The following H2BC18 variants were observed in gnomAD, a reference collection of about 807,000 sequenced individuals.
The protein encoded by H2BC18 is H2B clustered histone 18, also known as histone H2B type 2-F.
H2BC18 carries 8 observed loss-of-function variants against 6.3 expected under a neutral mutation model. The ratio of observed to expected loss-of-function variants is 1.28; its 90% CI spans 0.75 to 2.31. The LOEUF (loss-of-function observed/expected upper bound fraction) is 2.31, where lower values mean the gene tolerates loss of function less well. Among genes scored for constraint, H2BC18 ranks in the 30% most tolerant of loss-of-function variants. The probability of loss-of-function intolerance (pLI) is 0.00; values close to 1 mark genes in which losing one functional copy is unlikely to be tolerated. For synonymous variants in H2BC18, 104 were observed against 78.1 expected (o/e 1.33, Z -1.75); for missense variants, 106 against 174.5 (o/e 0.61, Z 2.21).
chr1:149,800,725 C>A (rs1185281001), intron 1 of H2BC18, among the ~76,000 whole-genome samples: 2 of 146,594 alleles, frequency 1.4e-5, no homozygotes, highest in South Asian at 2.3e-4. Context: ...TGTGGGAGCG[C>A]CCAGTTACTT....
intron 1 of H2BC18, chr1:149,791,219 T>C (rs1226393543): frequency 8.8e-6 from 14 of 1,585,362 alleles, no homozygotes; most frequent in African/African-American, 1.3e-5. Context: ...CTCTTCTCTT[T>C]GTCTTTTTCT....
chr1:149,804,592 G>A (rs1403464461), intron 1 of H2BC18, among the ~76,000 whole-genome samples: 14 of 151,766 alleles, frequency 9.2e-5, no homozygotes, highest in African/African-American at 1.5e-4. Flanking sequence ...TCTTGCTAGC[G>A]CCTTCCTAAC....
intron 1 of H2BC18, among the ~76,000 whole-genome samples, chr1:149,801,415 C>T (rs587728466): frequency 5.3e-5 from 8 of 150,666 alleles, no homozygotes; most frequent in African/African-American, 1.2e-4. Flanking sequence ...GGGAAACTTG[C>T]AGAGCACTTA....
At chr1:149,786,527 A>G (rs782573361) in intron 1 of H2BC18, 4 of 152,240 alleles carry the variant, frequency 2.6e-5, no homozygotes, top group Non-Finnish European at 4.4e-5. Flanking sequence ...GGGGAATTCA[A>G]TTGCAGCTCA....
downstream of H2BC18, among the ~76,000 whole-genome samples, chr1:149,807,582 G>T (rs2091931921): frequency 6.9e-6 from 1 of 144,690 alleles, no homozygotes; most frequent in East Asian, 2.1e-4. Context: ...GAGGCAGGCA[G>T]ATCACCTGAG....
chr1:149,803,071 A>G (rs1259954651), intron 1 of H2BC18, among the ~76,000 whole-genome samples: 1 of 152,216 alleles, frequency 6.6e-6, no homozygotes, highest in Admixed American at 6.5e-5. Flanking sequence ...AATCCTATCA[A>G]GTTGACACCT....
chr1:149,807,314 C>G (rs1411625201), downstream of H2BC18, among the ~76,000 whole-genome samples: 1 of 151,788 alleles, frequency 6.6e-6, no homozygotes, highest in Non-Finnish European at 1.5e-5. Context: ...TAGTGAGACC[C>G]CATCTCTACA....
At chr1:149,789,513 A>G (rs1252902714) in intron 1 of H2BC18, among the ~76,000 whole-genome samples, 1 of 152,190 alleles carries the variant, frequency 6.6e-6, no homozygotes, top group African/African-American at 2.4e-5. Flanking sequence ...TGACCAGATG[A>G]CACGGTCATT....
At chr1:149,803,196 A>G (rs1165697041) in intron 1 of H2BC18, among the ~76,000 whole-genome samples, 1 of 152,018 alleles carries the variant, frequency 6.6e-6, no homozygotes, top group Non-Finnish European at 1.5e-5. Context: ...TGGCCTAAAG[A>G]ATTTTCCTTC....
intron 1 of H2BC18, among the ~76,000 whole-genome samples, chr1:149,800,163 C>CA (rs1285120868): frequency 1.3e-5 from 2 of 152,016 alleles, no homozygotes; most frequent in Non-Finnish European, 2.9e-5. Context: ...TGGTTTATAA[C>CA]AAAAAATACA....
intron 1 of H2BC18, chr1:149,787,287 C>T (rs2091577941): frequency 6.6e-6 from 1 of 152,228 alleles, no homozygotes; most frequent in African/African-American, 2.4e-5. Flanking sequence ...GGAAAAGGCA[C>T]TATTGTCTCT....
downstream of H2BC18, chr1:149,811,682 C>T (rs1417936749): frequency 1.2e-5 from 7 of 579,762 alleles, no homozygotes; most frequent in African/African-American, 1.3e-4. Context: ...ACGAGTCAAA[C>T]CTTTCGAATC....
At chr1:149,799,634 T>A (rs587743652) in intron 1 of H2BC18, among the ~76,000 whole-genome samples, 1 of 152,356 alleles carries the variant, frequency 6.6e-6, no homozygotes, top group Admixed American at 6.5e-5. Flanking sequence ...AGATTTGTAT[T>A]TTATTTCTTA....
rs1181931488 is a variant in H2BC18, at chr1:149,792,297, C to T, written c.378-9037G>A. On this transcript the variant is annotated intron_variant, in intron 1 of 1. Coordinates refer to the H2BC18 transcript ENST00000545683. The stretch of plus-strand genomic sequence containing the variant: ...AAGAGACGCTTCAAGTGGGGAGAAG[C>T]GGCGATACCATAGAGTCCAGATCTT... 64 of 235,618 alleles carry T rather than the reference C, an allele frequency of 2.7e-4. 1 individual carries two copies. The highest frequency in any genetic ancestry group is 1.5e-3 in the African/African-American group (61 of 41,176). 14.6% of individuals were successfully genotyped at this position (235,618 alleles called of 1,614,324 possible).
At chr1:149,804,047 A>G (rs1553753631) in intron 1 of H2BC18, 1 of 152,186 alleles carries the variant, frequency 6.6e-6, no homozygotes, top group Non-Finnish European at 1.5e-5. Flanking sequence ...TTCTATTTAA[A>G]CATTTCCCAA....
At chr1:149,799,513 A>G (rs587678187) in intron 1 of H2BC18, among the ~76,000 whole-genome samples, 311 of 152,074 alleles carry the variant, frequency 2.0e-3, no homozygotes, top group African/African-American at 7.0e-3. Context: ...TCTCATGACT[A>G]TGGTTGCATA....
At chr1:149,784,065 G>T (rs7531523) in intron 1 of H2BC18, 1 of 1,610,384 alleles carries the variant, frequency 6.2e-7, no homozygotes, top group Non-Finnish European at 8.5e-7. Context: ...AGAGGAAACC[G>T]TAACCTTGCA....
intron 1 of H2BC18, chr1:149,790,266 T>C: frequency 1.3e-6 from 2 of 1,597,408 alleles, no homozygotes; most frequent in South Asian, 1.1e-5. Context: ...CTCTGGGTTA[T>C]ACTGGTGCGA....
At position 149,802,694 on chromosome 1, in the gene H2BC18, A is replaced by C. The variant is rs2091884479; in HGVS notation, c.377+9253T>G. 2.6e-5 allele frequency among the ~76,000 whole-genome samples: 4 copies of C among 152,236 alleles called. No individual in the cohort carries two copies. In the South Asian group the frequency reaches 8.3e-4, roughly 31 times the overall value. ...GTTCAGTCTGAGTCCAAAAGCCTCA[A>C]GAGTAGGGAAGCCCACAGTGCAGCC... On this transcript the variant is annotated intron_variant, in intron 1 of 1. Coordinates refer to the H2BC18 transcript ENST00000545683.
Sources: gnomAD v4.1 joint callset for allele counts (sites outside exome capture counted in the v4.1 genomes callset) on GRCh38, gnomAD v4.1.1 for gene constraint, MANE v1.5 for transcripts, NCBI Gene and HGNC (gene_info 2026-07-23, HGNC 2026-07-21) for gene names.